NCAPD3: variants seen among roughly 807,000 people sequenced by gnomAD.
NCAPD3 encodes the protein non-SMC condensin II complex subunit D3.
In NCAPD3, 105 loss-of-function variants were observed where a neutral mutation model predicts 182.9. The ratio of observed to expected loss-of-function variants is 0.57; its 90% CI spans 0.49 to 0.68. The LOEUF (loss-of-function observed/expected upper bound fraction) is 0.68, where lower values mean the gene tolerates loss of function less well. NCAPD3 is among the 30% of genes least tolerant of loss of function. NCAPD3 has a pLI of 0.00. For missense variants in NCAPD3, 1,944 were observed against 1,837.0 expected (o/e 1.06, Z -1.07); for synonymous variants, 815 against 679.9 (o/e 1.20, Z -3.09).
At chr11:134,175,973 CAGTG>C in intron 24 of NCAPD3, among the ~76,000 whole-genome samples, 1 of 148,572 alleles carries the variant, frequency 6.7e-6, no homozygotes, top group African/African-American at 2.5e-5. Context: ...TAGAAATTAA[CAGTG>C]AGTTTCTAGT....
At chr11:134,167,072 G>A (rs563122007) in intron 27 of NCAPD3, among the ~76,000 whole-genome samples, 20 of 112,058 alleles carry the variant, frequency 1.8e-4, no homozygotes, top group Admixed American at 5.0e-4. Context: ...GAGCTTGGGG[G>A]AGCTGCACAC....
Position 134,194,064 on chromosome 11 carries a change from T to G in NCAPD3, c.1776A>C (p.Ala592=). The change falls in exon 15 of 35, where the codon GCA becomes GCC. Residue 592 remains alanine, a synonymous_variant. Coordinates refer to ENST00000534548, the MANE Select transcript of NCAPD3 (RefSeq NM_015261.3). ...WILQDQCRDP[A]VSVRKQALQS... is the part of the protein sequence containing the mutation. ...GGAGGGCCTGCTTCCGGACAGACACTGCAGGGTCCCGACACTGGTCCTGCA... is the reference window on the plus strand; with the variant it reads ...GGAGGGCCTGCTTCCGGACAGACACGGCAGGGTCCCGACACTGGTCCTGCA... The G allele has an allele frequency of 6.2e-7, 1 of 1,614,208 alleles. No homozygotes were observed. The highest frequency in any genetic ancestry group is 1.1e-5 in the South Asian group (1 of 91,086).
rs1943534470 is a variant in NCAPD3, at chr11:134,160,081, C to G, written c.3685-7G>C. ...GGTAATCCTGCATCACCTCCTGAAA[C>G]AGAGCCAGGAGCATCCTTTCATGTT... On this transcript the variant is annotated splice_region_variant and splice_polypyrimidine_tract_variant and intron_variant, in intron 28 of 34. Coordinates refer to ENST00000534548, the MANE Select transcript of NCAPD3 (RefSeq NM_015261.3). 4.3e-6 allele frequency: 7 copies of G among 1,613,372 alleles called. No individual in the cohort carries two copies. Among genetic ancestry groups the G allele is most frequent in the Middle Eastern group, 1.7e-4 (1 of 6,050 alleles).
chr11:134,194,302 C>A, intron 14 of NCAPD3, 152 bp from the exon 15 acceptor site: 1 of 757,270 alleles, frequency 1.3e-6, no homozygotes, highest in Non-Finnish European at 2.0e-6. Context: ...TCCCATTTTT[C>A]AGAATCCAAT....
chr11:134,156,102 C>A lies in NCAPD3; in HGVS notation c.4252+916G>T, dbSNP rs199613157. On this transcript the variant is annotated intron_variant, in intron 32 of 34. Coordinates refer to ENST00000534548, the MANE Select transcript of NCAPD3 (RefSeq NM_015261.3). Reference sequence around the variant, plus strand: ...GCACGCTCTCATCTTCCCCTGCAGTCAGGACTAGGAGACAGGCTGGAGAAG... The same window carrying A: ...GCACGCTCTCATCTTCCCCTGCAGTAAGGACTAGGAGACAGGCTGGAGAAG... Among the ~76,000 whole-genome samples the A allele has an allele frequency of 7.2e-5, 11 of 152,318 alleles. No individual in the cohort carries two copies. In the East Asian group the frequency reaches 1.9e-3, roughly 27 times the overall value.
chr11:134,158,865 C>T (rs1340610757), intron 29 of NCAPD3, among the ~76,000 whole-genome samples: 2 of 152,136 alleles, frequency 1.3e-5, no homozygotes, highest in Non-Finnish European at 2.9e-5. Context: ...CAAAAATCCA[C>T]TCTCTAACTC....
intron 13 of NCAPD3, among the ~76,000 whole-genome samples, chr11:134,200,176 A>G (rs1009136531): frequency 2.6e-5 from 4 of 152,220 alleles, no homozygotes; most frequent in Non-Finnish European, 4.4e-5. Flanking sequence ...AATCTTTGTG[A>G]CTTTGGATTA....
At chr11:134,223,018 G>T in intron 1 of NCAPD3, 4 of 193,068 alleles carry the variant, frequency 2.1e-5, no homozygotes, top group Admixed American at 5.5e-5. Flanking sequence ...ATGGGGTAGA[G>T]CCAAGGGAAC....
intron 16 of NCAPD3, among the ~76,000 whole-genome samples, chr11:134,189,189 C>T (rs1944473769): frequency 6.6e-6 from 1 of 152,116 alleles, no homozygotes; most frequent in Non-Finnish European, 1.5e-5. Context: ...TTGTATCACC[C>T]ATTTCATCAT....
chr11:134,159,926 G>A lies in NCAPD3; in HGVS notation c.3833C>T (p.Thr1278Met), dbSNP rs768508500. 54 of 1,613,448 alleles carry A rather than the reference G, an allele frequency of 3.3e-5. No homozygotes were observed. Among genetic ancestry groups the A allele is most frequent in the East Asian group, 1.8e-4 (8 of 44,876 alleles). Residue 1278 changes from threonine to methionine, a missense_variant, in exon 29 of 35, where the codon ACG (threonine) becomes ATG (methionine). This residue lies in a region of NCAPD3 where 1,803 missense variants were observed against 1,674.6 expected (regional missense o/e 1.08). Coordinates refer to ENST00000534548, the MANE Select transcript of NCAPD3 (RefSeq NM_015261.3). The part of the protein sequence containing the change: ...ELAKHADVAG[T>M]AGGAEVAPVA... ...AGGTGCCACCTCAGCACCTCCAGCCGTCCCGGCCACATCTGCATGTTTTGC... is the reference window on the plus strand; with the variant it reads ...AGGTGCCACCTCAGCACCTCCAGCCATCCCGGCCACATCTGCATGTTTTGC...
chr11:134,185,638 G>T (rs1337745398), intron 16 of NCAPD3, 112 bp from the exon 17 acceptor site: 2 of 825,558 alleles, frequency 2.4e-6, no homozygotes, highest in Non-Finnish European at 3.6e-6. Context: ...GACTCAAGTG[G>T]CACATGAAAC....
chr11:134,152,432 A>G lies in NCAPD3; in HGVS notation c.*512T>C, dbSNP rs1943271187. 1 of 152,314 alleles carries G rather than the reference A, an allele frequency of 6.6e-6. No homozygotes were observed. The highest frequency in any genetic ancestry group is 1.5e-5 in the Non-Finnish European group (1 of 68,084). 9.4% of individuals were successfully genotyped at this position (152,314 alleles called of 1,614,324 possible). A position where few individuals can be genotyped will look rare whatever the true frequency, so the allele number is the denominator to read the frequency against. Reference sequence around the variant, plus strand: ...TTCTAAAAACAGAAAAATCCTATTGACTACTGGAAGGCTGTATTTATGCTA... The same window carrying G: ...TTCTAAAAACAGAAAAATCCTATTGGCTACTGGAAGGCTGTATTTATGCTA... On this transcript the variant is annotated 3_prime_UTR_variant, in exon 35 of 35. Coordinates refer to ENST00000534548, the MANE Select transcript of NCAPD3 (RefSeq NM_015261.3).
chr11:134,179,674 G>T (rs1944252172), intron 20 of NCAPD3, among the ~76,000 whole-genome samples: 1 of 152,142 alleles, frequency 6.6e-6, no homozygotes, highest in African/African-American at 2.4e-5. Context: ...TTGCCCTCCA[G>T]ATTATTTTTC....
intron 8 of NCAPD3, 63 bp from the exon 9 acceptor site, chr11:134,205,034 C>T (rs546634533): frequency 1.1e-5 from 13 of 1,235,182 alleles, no homozygotes; most frequent in South Asian, 7.4e-5. Flanking sequence ...CCAAAAACCA[C>T]TACTCCTATA....
rs1411792453 is a variant in NCAPD3, at chr11:134,176,393, A to G, written c.3022-7T>C. ...TCCATTTCACAAATTCCTCCTGTGC[A>G]GAGAGAAGCCGGCATGTTTCAGAGT... On this transcript the variant is annotated splice_polypyrimidine_tract_variant and splice_region_variant and intron_variant, in intron 23 of 34. Transcript: ENST00000534548. 1 of 1,613,310 alleles carries G rather than the reference A, an allele frequency of 6.2e-7. No individual in the cohort carries two copies. The highest frequency in any genetic ancestry group is 8.5e-7 in the Non-Finnish European group (1 of 1,179,408).
intron 19 of NCAPD3, among the ~76,000 whole-genome samples, chr11:134,183,445 G>A (rs903328804): frequency 2.6e-5 from 4 of 152,188 alleles, no homozygotes; most frequent in African/African-American, 9.7e-5. Flanking sequence ...GCATGTGCCT[G>A]TAATCCCAGC....
At chr11:134,165,590 A>ACTT (rs1943755520) in intron 27 of NCAPD3, among the ~76,000 whole-genome samples, 1 of 84,284 alleles carries the variant, frequency 1.2e-5, no homozygotes, top group South Asian at 4.3e-4. Flanking sequence ...GGGGCACACT[A>ACTT]GTGAGATGAG....
In NCAPD3 at chr11:134,157,977, C is replaced by T. The variant is rs763369288; in HGVS notation, c.4125G>A (p.Val1375=). The T allele has an allele frequency of 2.5e-6, 4 of 1,614,176 alleles. No individual in the cohort carries two copies. The highest frequency in any genetic ancestry group is 3.4e-6 in the Non-Finnish European group (4 of 1,180,012). The change falls in exon 31 of 35, where the codon GTG becomes GTA. Residue 1375 remains valine, a synonymous_variant. Transcript: ENST00000534548. The part of the protein sequence containing the change: ...KSRHRSRSLG[V]LPFTLNSGSP... ...TTCCAGAATTTAAAGTGAAAGGCAG[C>T]ACTCCTAAGCTCCGACTCCGATGCC... is the stretch of plus-strand genomic sequence containing the variant.
chr11:134,152,178 G>A lies in NCAPD3; in HGVS notation c.*766C>T, dbSNP rs900593844. Among the ~76,000 whole-genome samples the A allele has an allele frequency of 6.6e-6, 1 of 152,250 alleles. No homozygotes were observed. Among genetic ancestry groups the A allele is most frequent in the Non-Finnish European group, 1.5e-5 (1 of 68,046 alleles). ...CATCATGGGAGCAGCCCTTAACAGA[G>A]GGCTGCACAAATCGGCAGTGCTGCT... On this transcript the variant is annotated 3_prime_UTR_variant, in exon 35 of 35. Coordinates refer to ENST00000534548, the MANE Select transcript of NCAPD3 (RefSeq NM_015261.3).
Sources: allele counts gnomAD v4.1 joint callset (sites outside exome capture counted in the v4.1 genomes callset), GRCh38; gene constraint gnomAD v4.1.1; regional missense constraint gnomAD v4.1.1; transcripts MANE v1.5; gene names NCBI Gene and HGNC (gene_info 2026-07-23, HGNC 2026-07-21).